Variants in UNC5C observed in about 807,000 individuals in gnomAD.
UNC5C encodes the protein netrin receptor UNC5C.
UNC5C carries 47 observed loss-of-function variants against 99.8 expected under a neutral mutation model. The observed-to-expected ratio is 0.47, with a 90% CI of 0.37 to 0.60. The LOEUF is 0.60. UNC5C is among the 20% of genes least tolerant of loss of function. The pLI is 0.00. For missense variants in UNC5C, 1,062 were observed against 1,165.9 expected (o/e 0.91, Z 1.30); for synonymous variants, 487 against 452.2 (o/e 1.08, Z -0.98).
chr4:95,217,764 GT>G (rs1234998844), intron 9 of UNC5C, among the ~76,000 whole-genome samples: 2 of 152,108 alleles, frequency 1.3e-5, no homozygotes, highest in Non-Finnish European at 2.9e-5. Context: ...CAATTGTAAT[GT>G]TTAAACAATG....
chr4:95,483,123 C>T (rs185290208), intron 1 of UNC5C, among the ~76,000 whole-genome samples: 5 of 151,176 alleles, frequency 3.3e-5, no homozygotes, highest in Non-Finnish European at 5.9e-5. Flanking sequence ...ATCGTATATG[C>T]CTGGGTTTTG....
intron 4 of UNC5C, among the ~76,000 whole-genome samples, chr4:95,272,623 G>A (rs560466016): frequency 4.7e-4 from 72 of 152,320 alleles, no homozygotes; most frequent in African/African-American, 1.7e-3. Context: ...CCAAAGCAAA[G>A]CTTGAAGGCT....
At chr4:95,454,380 AT>A (rs1747371842) in intron 1 of UNC5C, among the ~76,000 whole-genome samples, 1 of 152,108 alleles carries the variant, frequency 6.6e-6, no homozygotes, top group South Asian at 2.1e-4. Context: ...GAAACTTTTG[AT>A]TTAACTAGAT....
chr4:95,193,491 T>G (rs1471015898), intron 12 of UNC5C, among the ~76,000 whole-genome samples: 1 of 152,204 alleles, frequency 6.6e-6, no homozygotes, highest in Non-Finnish European at 1.5e-5. Flanking sequence ...GCCACTCATA[T>G]GAAACTTCAA....
chr4:95,312,012 A>G lies in UNC5C; in HGVS notation c.347-10263T>C, dbSNP rs1472731958. 2.0e-5 allele frequency among the ~76,000 whole-genome samples: 3 copies of G among 152,096 alleles called. No individual in the cohort carries two copies. In the East Asian group the frequency reaches 5.8e-4, roughly 29 times the overall value. On this transcript the variant is annotated intron_variant, in intron 2 of 15. Coordinates refer to ENST00000453304, the MANE Select transcript of UNC5C (RefSeq NM_003728.4). Reference sequence around the variant, plus strand: ...TGGTGAGCTATGATTGCACCATTGCACTCTAGCTTGGGTGACAGAGTGAAA... The same window carrying G: ...TGGTGAGCTATGATTGCACCATTGCGCTCTAGCTTGGGTGACAGAGTGAAA...
chr4:95,394,062 G>A (rs1745439377), intron 1 of UNC5C, among the ~76,000 whole-genome samples: 1 of 152,028 alleles, frequency 6.6e-6, no homozygotes, highest in South Asian at 2.1e-4. Flanking sequence ...AATCTGTACT[G>A]ACTATTGTTA....
At chr4:95,328,068 T>C (rs1233893282) in intron 2 of UNC5C, among the ~76,000 whole-genome samples, 1 of 140,012 alleles carries the variant, frequency 7.1e-6, no homozygotes, top group African/African-American at 2.5e-5. Flanking sequence ...TTTAATTTTT[T>C]TTTTTTTTTA....
At chr4:95,528,271 T>C (rs1214115539) in intron 1 of UNC5C, among the ~76,000 whole-genome samples, 2 of 152,210 alleles carry the variant, frequency 1.3e-5, no homozygotes, top group East Asian at 1.9e-4. Context: ...TAGTTAATTA[T>C]AGAAATTTCT....
At chr4:95,514,230 AG>A (rs1389527624) in intron 1 of UNC5C, among the ~76,000 whole-genome samples, 6 of 152,200 alleles carry the variant, frequency 3.9e-5, no homozygotes, top group Non-Finnish European at 8.8e-5. Context: ...TGACTGGTTA[AG>A]GAATAGTAAC....
At chr4:95,547,885 A>C (rs1311398967) in intron 1 of UNC5C, among the ~76,000 whole-genome samples, 1 of 151,922 alleles carries the variant, frequency 6.6e-6, no homozygotes, top group East Asian at 1.9e-4. Flanking sequence ...TCCCGGCCAC[A>C]CTCTTCCCAA....
intron 1 of UNC5C, among the ~76,000 whole-genome samples, chr4:95,494,438 A>G (rs1230847628): frequency 1.3e-5 from 2 of 151,348 alleles, no homozygotes; most frequent in African/African-American, 4.8e-5. Context: ...AGGCCCCATA[A>G]TTTGCACTGG....
intron 1 of UNC5C, among the ~76,000 whole-genome samples, chr4:95,368,213 C>A (rs923036226): frequency 6.9e-6 from 1 of 145,634 alleles, no homozygotes. Context: ...TTTAGAAAAG[C>A]AAATTCAATA....
chr4:95,418,841 T>C (rs1293222926), intron 1 of UNC5C, among the ~76,000 whole-genome samples: 3 of 152,164 alleles, frequency 2.0e-5, no homozygotes, highest in African/African-American at 7.2e-5. Flanking sequence ...TACCAATTTC[T>C]CACAGCACAT....
intron 9 of UNC5C, among the ~76,000 whole-genome samples, chr4:95,217,465 T>C (rs1437338526): frequency 6.6e-6 from 1 of 152,228 alleles, no homozygotes; most frequent in Non-Finnish European, 1.5e-5. Flanking sequence ...CAAGCCTCAG[T>C]GCTTTTATTT....
intron 12 of UNC5C, among the ~76,000 whole-genome samples, chr4:95,192,225 CCT>C (rs1239132840): frequency 6.9e-6 from 1 of 145,904 alleles, no homozygotes; most frequent in Non-Finnish European, 1.5e-5. Flanking sequence ...TGCTCGCCCT[CCT>C]CTGCTCACCC....
intron 3 of UNC5C, among the ~76,000 whole-genome samples, chr4:95,297,699 A>G (rs1306276367): frequency 3.3e-5 from 5 of 152,244 alleles, no homozygotes; most frequent in African/African-American, 7.2e-5. Flanking sequence ...GAAATCCTTG[A>G]TAAGGCTTAG....
intron 7 of UNC5C, chr4:95,222,153 A>G (rs1257785733): frequency 3.2e-6 from 4 of 1,257,154 alleles, no homozygotes; most frequent in Non-Finnish European, 4.3e-6. Context: ...AACTTGAACT[A>G]GGGGCAATAA....
At chr4:95,180,397 C>G (rs1241670687) in intron 14 of UNC5C, among the ~76,000 whole-genome samples, 3 of 152,176 alleles carry the variant, frequency 2.0e-5, no homozygotes, top group Non-Finnish European at 4.4e-5. Flanking sequence ...GAGTAGCTTC[C>G]TGGTTACTCT....
chr4:95,538,640 C>G (rs1722838014), intron 1 of UNC5C, among the ~76,000 whole-genome samples: 2 of 152,092 alleles, frequency 1.3e-5, no homozygotes. Context: ...AGAAAACATT[C>G]AAAACAGTTT....
Sources: gnomAD v4.1 joint callset for allele counts (sites outside exome capture counted in the v4.1 genomes callset) on GRCh38, gnomAD v4.1.1 for gene constraint, MANE v1.5 for transcripts, NCBI Gene and HGNC (gene_info 2026-07-23, HGNC 2026-07-21) for gene names.